ABLIM2: variants seen among roughly 807,000 people sequenced by gnomAD.
ABLIM2 encodes the protein actin binding LIM protein family member 2.
In ABLIM2, 53 loss-of-function variants were observed where a neutral mutation model predicts 97.7. That is an observed-to-expected ratio of 0.54 (90% CI 0.44 to 0.68). The LOEUF is 0.68. Among genes scored for constraint, ABLIM2 ranks in the 30% least tolerant of loss-of-function variants. The pLI is 0.00. For missense variants in ABLIM2, 835 were observed against 867.2 expected, an observed-to-expected ratio of 0.96 and a Z score of 0.47; for synonymous variants, 361 against 345.8, an observed-to-expected ratio of 1.04 and a Z score of -0.49.
intron 11 of ABLIM2, among the ~76,000 whole-genome samples, chr4:8,028,520 C>G (rs748593192): frequency 6.6e-6 from 1 of 152,182 alleles, no homozygotes; most frequent in Non-Finnish European, 1.5e-5. Flanking sequence ...CTCATTTACT[C>G]GCTGACTCAT....
intron 3 of ABLIM2, among the ~76,000 whole-genome samples, chr4:8,096,118 G>A (rs977234534): frequency 6.6e-5 from 10 of 152,068 alleles, no homozygotes; most frequent in Non-Finnish European, 8.8e-5. Flanking sequence ...CTATCCTTCC[G>A]GAAACTGCCT....
intron 10 of ABLIM2, among the ~76,000 whole-genome samples, chr4:8,030,104 G>A (rs933164814): frequency 6.6e-6 from 1 of 152,102 alleles, no homozygotes; most frequent in Admixed American, 6.5e-5. Context: ...CCTGACCCTC[G>A]CCAGCGCCCA....
At chr4:8,129,733 C>CCTCT (rs57731841) in intron 1 of ABLIM2, among the ~76,000 whole-genome samples, 13 of 149,924 alleles carry the variant, frequency 8.7e-5, no homozygotes, top group Middle Eastern at 3.2e-3. Context: ...AGGTATGCTC[C>CCTCT]CTCTCTCTCT....
Position 8,005,412 on chromosome 4 carries a change from G to T in ABLIM2, c.1618+2647C>A, listed in dbSNP as rs528457124. ...TCACAATCCTACCTTCCTTGGGCGC[G>T]CTACAGATGGACGTCCCGGGGTGCA... On this transcript the variant is annotated intron_variant, in intron 16 of 20. Transcript: ENST00000447017. This position sits in a 1 kb window ranked among gnomAD's most constrained non-coding sequence, Gnocchi z 4.9. 1 of 533,580 alleles carries T rather than the reference G, an allele frequency of 1.9e-6. No homozygotes were observed. Among genetic ancestry groups the T allele is most frequent in the Admixed American group, 1.9e-5 (1 of 51,616 alleles). 33.1% of individuals were successfully genotyped at this position (533,580 alleles called of 1,614,324 possible).
chr4:8,116,636 G>C (rs1309232783), intron 1 of ABLIM2, among the ~76,000 whole-genome samples: 1 of 152,132 alleles, frequency 6.6e-6, no homozygotes, highest in Non-Finnish European at 1.5e-5. Context: ...AAAAATGAAG[G>C]CTGCTAGAAA....
intron 1 of ABLIM2, among the ~76,000 whole-genome samples, chr4:8,110,246 A>G (rs1839644704): frequency 6.6e-6 from 1 of 152,252 alleles, no homozygotes; most frequent in East Asian, 1.9e-4. Context: ...AGAAAAATGC[A>G]CAAGCGTCTC....
rs1483575302 is a variant in ABLIM2, at chr4:8,009,088, C to A, written c.1438G>T (p.Asp480Tyr). 19 of 1,613,940 alleles carry A rather than the reference C, an allele frequency of 1.2e-5. No individual in the cohort carries two copies. Among genetic ancestry groups the A allele is most frequent in the Non-Finnish European group, 1.7e-6 (2 of 1,179,920 alleles). ...TGGTCCAAGCTTCCATCCTCCCCAT[C>A]CGATCGCCTGGCAGCTGGAAGGGAA... ...IYRQHAARRS[D>Y]GEDGSLDQDN... is the part of the protein sequence containing the mutation. The change falls in exon 15 of 21, where the codon GAT (aspartate) becomes TAT (tyrosine). Residue 480 changes from aspartate to tyrosine, a missense_variant. Physicochemically the swap from Asp to Tyr is radical, Grantham distance 160 (BLOSUM62 -3). Transcript: ENST00000447017.
chr4:8,105,910 C>T (rs3923253), intron 2 of ABLIM2, among the ~76,000 whole-genome samples: 1 of 151,824 alleles, frequency 6.6e-6, no homozygotes, highest in East Asian at 1.9e-4. Context: ...CTCCGTTGGC[C>T]GGGCCCGGTT....
rs183982565 is a variant in ABLIM2 at position 8,091,451 on chromosome 4, T to C, written c.339-3167A>G. On this transcript the variant is annotated intron_variant, in intron 3 of 20. Coordinates refer to ENST00000447017, the MANE Select transcript of ABLIM2 (RefSeq NM_001130083.2). ...TATATATAATTAATTATGTATTATA[T>C]ATAATTATATAATTATATATAATAT... Among the ~76,000 whole-genome samples, 10 of 44,606 alleles carry C rather than the reference T, an allele frequency of 2.2e-4. 2 individuals are homozygous for C. The highest frequency in any genetic ancestry group is 4.0e-4 in the Non-Finnish European group (9 of 22,548). The allele number at this position is 44,606 out of a possible 152,430, so 29.3% of individuals were successfully genotyped here. A position where few individuals can be genotyped will look rare whatever the true frequency, so the allele number is the denominator to read the frequency against.
intron 17 of ABLIM2, among the ~76,000 whole-genome samples, chr4:7,987,166 T>C (rs973906739): frequency 1.3e-5 from 2 of 151,992 alleles, no homozygotes; most frequent in African/African-American, 2.4e-5. Flanking sequence ...TTGGTAGAGA[T>C]GGAGTCTCCC....
chr4:8,103,321 C>T (rs1384375873), intron 2 of ABLIM2, among the ~76,000 whole-genome samples: 1 of 152,234 alleles, frequency 6.6e-6, no homozygotes, highest in Non-Finnish European at 1.5e-5. Flanking sequence ...TGCAAGACTG[C>T]AAGGTCCTCA....
Position 8,090,722 on chromosome 4 carries a change from T to A in ABLIM2, c.339-2438A>T, listed in dbSNP as rs1302040834. On this transcript the variant is annotated intron_variant, in intron 3 of 20. Transcript: ENST00000447017. ...AGATTTGTCTTTTTTTTTATTTTTA[T>A]TTTTTTGCGGGATCACAGAGCACAT... Among the ~76,000 whole-genome samples, 54 of 150,360 alleles carry A rather than the reference T, an allele frequency of 3.6e-4. 1 individual carries two copies. The highest frequency in any genetic ancestry group is 3.5e-3 in the Middle Eastern group (1 of 288).
At chr4:8,086,323 G>A (rs528102112) in intron 4 of ABLIM2, among the ~76,000 whole-genome samples, 1 of 147,722 alleles carries the variant, frequency 6.8e-6, no homozygotes, top group African/African-American at 2.5e-5. Context: ...TGATTCTGTG[G>A]TTGGTCATAT....
rs575461997 is a variant in ABLIM2, at chr4:8,149,773, C to T, written c.10+8907G>A. Among the ~76,000 whole-genome samples, 25 of 152,110 alleles carry T rather than the reference C, an allele frequency of 1.6e-4. No homozygotes were observed. The East Asian group carries it at 4.1e-3, about 25-fold the overall frequency. On this transcript the variant is annotated intron_variant, in intron 1 of 20. Transcript: ENST00000447017. The surrounding 1 kb of genome is among the most constrained non-coding windows in gnomAD (Gnocchi z 6.4). The stretch of plus-strand genomic sequence containing the variant: ...TTGACTGCTGGACACAGAGAAGGCC[C>T]GGACCTAGGCTGAGACTTCCCCAGC...
At chr4:8,028,660 C>T (rs940961014) in intron 11 of ABLIM2, among the ~76,000 whole-genome samples, 2 of 152,210 alleles carry the variant, frequency 1.3e-5, no homozygotes, top group Non-Finnish European at 2.9e-5. Context: ...CTGACCCATT[C>T]ACTTGTTCAC....
Position 8,076,579 on chromosome 4 carries a change from G to A in ABLIM2, c.675+1049C>T, listed in dbSNP as rs1015906008. 7.9e-5 allele frequency among the ~76,000 whole-genome samples: 12 copies of A among 151,952 alleles called. No individual in the cohort carries two copies. In the East Asian group the frequency reaches 1.4e-3, roughly 17 times the overall value. On this transcript the variant is annotated intron_variant, in intron 6 of 20. Coordinates refer to ENST00000447017, the MANE Select transcript of ABLIM2 (RefSeq NM_001130083.2). The stretch of plus-strand genomic sequence containing the variant: ...AGAGGCCAGCTCCTGCAACCTCCTC[G>A]AGAGGGGCTCCCACACCAGGCACAG...
intron 4 of ABLIM2, among the ~76,000 whole-genome samples, chr4:8,086,933 G>A (rs1220864030): frequency 1.3e-5 from 2 of 152,008 alleles, no homozygotes; most frequent in South Asian, 2.1e-4. Flanking sequence ...ACCCGGTGGG[G>A]CTGTGAACTT....
chr4:8,073,831 T>C (rs963757014), intron 6 of ABLIM2, among the ~76,000 whole-genome samples: 5 of 152,124 alleles, frequency 3.3e-5, no homozygotes, highest in African/African-American at 1.2e-4. Flanking sequence ...CTCACGCCTG[T>C]AACCCCGGCA....
At chr4:7,982,179 G>A (rs569088732) in intron 20 of ABLIM2, among the ~76,000 whole-genome samples, 2 of 147,404 alleles carry the variant, frequency 1.4e-5, no homozygotes, top group Admixed American at 6.8e-5. Context: ...GCCCCTCAGC[G>A]GCATCCACGC....
Sources: allele counts gnomAD v4.1 joint callset (sites outside exome capture counted in the v4.1 genomes callset), GRCh38; gene constraint gnomAD v4.1.1; non-coding constraint Gnocchi (gnomAD v3.1); transcripts MANE v1.5; gene names NCBI Gene and HGNC (gene_info 2026-07-23, HGNC 2026-07-21).